GATAD2B: variants seen among roughly 807,000 people sequenced by gnomAD.
The protein encoded by GATAD2B is transcriptional repressor p66-beta.
In GATAD2B, 8 loss-of-function variants were observed where a neutral mutation model predicts 64.3. The ratio of observed to expected loss-of-function variants is 0.12; its 90% CI spans 0.07 to 0.22. The LOEUF (loss-of-function observed/expected upper bound fraction) is 0.22. Ranked by LOEUF, GATAD2B falls within the 10% of genes least tolerant of loss-of-function variation. The pLI, the probability that GATAD2B is intolerant of heterozygous loss-of-function variation, is 1.00. For synonymous variants in GATAD2B, 281 were observed against 271.3 expected, an observed-to-expected ratio of 1.04 and a Z score of -0.35; for missense variants, 453 against 752.0, an observed-to-expected ratio of 0.60 and a Z score of 4.65.
At chr1:153,902,983 C>T (rs1336412696) in intron 1 of GATAD2B, among the ~76,000 whole-genome samples, 5 of 151,994 alleles carry the variant, frequency 3.3e-5, no homozygotes, top group South Asian at 2.1e-4. Context: ...TTGGGGAGGC[C>T]GAGGCAGAGG....
intron 2 of GATAD2B, among the ~76,000 whole-genome samples, chr1:153,824,744 A>G (rs1012195263): frequency 1.3e-5 from 2 of 151,764 alleles, no homozygotes; most frequent in African/African-American, 4.8e-5. Flanking sequence ...CTACAGGAGC[A>G]GGACTGAAAA....
At chr1:153,918,242 A>C (rs1216546572) in intron 1 of GATAD2B, among the ~76,000 whole-genome samples, 1 of 152,218 alleles carries the variant, frequency 6.6e-6, no homozygotes, top group East Asian at 1.9e-4. Context: ...AGAATTCAAA[A>C]ATTAGTAGCA....
At chr1:153,905,641 C>T (rs1450599302) in intron 1 of GATAD2B, among the ~76,000 whole-genome samples, 5 of 147,536 alleles carry the variant, frequency 3.4e-5, no homozygotes, top group African/African-American at 1.0e-4. Flanking sequence ...GTAATCAAAA[C>T]AGTGTGGTAG....
At chr1:153,825,264 T>G (rs139315404) in intron 2 of GATAD2B, among the ~76,000 whole-genome samples, 9 of 152,328 alleles carry the variant, frequency 5.9e-5, no homozygotes, top group African/African-American at 2.2e-4. Flanking sequence ...GTTCATGATC[T>G]CATTCACCCA....
chr1:153,815,413 A>G (rs933876120), intron 7 of GATAD2B, among the ~76,000 whole-genome samples: 11 of 151,898 alleles, frequency 7.2e-5, no homozygotes, highest in Non-Finnish European at 1.6e-4. Context: ...ACAGGTTCTC[A>G]GAGACTATGA....
At chr1:153,853,227 T>C in intron 1 of GATAD2B, 1 of 1,108,932 alleles carries the variant, frequency 9.0e-7, no homozygotes, top group East Asian at 2.4e-5. Flanking sequence ...AGCACACTGG[T>C]CATGGCCACC....
intron 2 of GATAD2B, among the ~76,000 whole-genome samples, chr1:153,826,959 A>C (rs1189923934): frequency 1.3e-5 from 2 of 151,218 alleles, no homozygotes; most frequent in African/African-American, 4.9e-5. Context: ...AAAAAAAAAA[A>C]AAACTGGCTG....
chr1:153,815,390 C>T (rs973141051), intron 7 of GATAD2B, among the ~76,000 whole-genome samples: 1 of 151,532 alleles, frequency 6.6e-6, no homozygotes, highest in Admixed American at 6.6e-5. Flanking sequence ...ACAGTCAGTC[C>T]TCAATGTTGT....
chr1:153,911,658 C>G (rs1310912506), intron 1 of GATAD2B, among the ~76,000 whole-genome samples: 1 of 152,076 alleles, frequency 6.6e-6, no homozygotes, highest in Non-Finnish European at 1.5e-5. Context: ...TTCACTTGAA[C>G]TCGGGAGGCG....
rs58874063 is a variant in GATAD2B, at chr1:153,815,081, C to CAA, written c.1216+1190_1216+1191dup. ...TGGGTGACAGAGTAAGACTCTGTCT[C>CAA]AAAAAAAAAAAAAAAAAAAAAAAAA... On this transcript the variant is annotated intron_variant, in intron 7 of 10. Transcript: ENST00000368655. Among the ~76,000 whole-genome samples, 180 of 25,364 alleles carry CAA rather than the reference C, an allele frequency of 7.1e-3. 16 individuals carry two copies. Among genetic ancestry groups the CAA allele is most frequent in the African/African-American group, 0.014 (77 of 5,346 alleles). 16.6% of individuals were successfully genotyped at this position (25,364 alleles called of 152,430 possible). A position where few individuals can be genotyped will look rare whatever the true frequency, so the allele number is the denominator to read the frequency against.
chr1:153,846,709 C>T (rs925809885), intron 1 of GATAD2B, among the ~76,000 whole-genome samples: 12 of 151,516 alleles, frequency 7.9e-5, no homozygotes, highest in African/African-American at 1.7e-4. Context: ...TACAGGCATC[C>T]GCCACCACTC....
chr1:153,879,706 C>T (rs954560804), intron 1 of GATAD2B, among the ~76,000 whole-genome samples: 40 of 144,698 alleles, frequency 2.8e-4, no homozygotes, highest in African/African-American at 1.0e-3. Flanking sequence ...GAGGTTGCAG[C>T]GAGCCAACAA....
In GATAD2B at chr1:153,853,301, C is replaced by G. The variant is rs912855941; in HGVS notation, c.-1-24953G>C. The G allele has an allele frequency of 1.2e-5, 10 of 841,568 alleles. No homozygotes were observed. In the African/African-American group the frequency reaches 1.7e-4, roughly 14 times the overall value. 52.1% of individuals were successfully genotyped at this position (841,568 alleles called of 1,614,324 possible). A position where few individuals can be genotyped will look rare whatever the true frequency, so the allele number is the denominator to read the frequency against. On this transcript the variant is annotated intron_variant, in intron 1 of 10. Coordinates refer to ENST00000368655, the MANE Select transcript of GATAD2B (RefSeq NM_020699.4). ...CACAGACTTCAAGTAGGACACTGGT[C>G]CTTTGTACTGACATGGGCTGAGGAC...
At chr1:153,815,760 C>T (rs1570926796) in intron 7 of GATAD2B, among the ~76,000 whole-genome samples, 2 of 152,054 alleles carry the variant, frequency 1.3e-5, no homozygotes, top group South Asian at 4.1e-4. Context: ...GCAGGCTGGC[C>T]CCGGCCGGCT....
At chr1:153,853,147 T>C (rs1471191129) in intron 1 of GATAD2B, 5 of 1,426,072 alleles carry the variant, frequency 3.5e-6, no homozygotes, top group African/African-American at 2.8e-5. Flanking sequence ...TCCTCAATCC[T>C]GTCTAGCCCC....
intron 1 of GATAD2B, among the ~76,000 whole-genome samples, chr1:153,833,707 G>C (rs1230568090): frequency 6.6e-6 from 1 of 150,632 alleles, no homozygotes; most frequent in Admixed American, 6.6e-5. Context: ...CTACATGGGA[G>C]GGTGAGGCAG....
At chr1:153,859,391 G>A (rs924317613) in intron 1 of GATAD2B, among the ~76,000 whole-genome samples, 4 of 146,792 alleles carry the variant, frequency 2.7e-5, no homozygotes, top group Admixed American at 6.9e-5. Context: ...CATGCAAGGC[G>A]AGGCGAGGCG....
intron 2 of GATAD2B, among the ~76,000 whole-genome samples, chr1:153,820,449 C>T (rs1011741209): frequency 6.6e-6 from 1 of 152,206 alleles, no homozygotes; most frequent in African/African-American, 2.4e-5. Context: ...AAAAATGGCA[C>T]ATACTGCTTA....
At chr1:153,822,793 A>G (rs1674729704) in intron 2 of GATAD2B, among the ~76,000 whole-genome samples, 1 of 151,794 alleles carries the variant, frequency 6.6e-6, no homozygotes, top group Admixed American at 6.6e-5. Flanking sequence ...CACCGCGTCC[A>G]GCCTCTTTTC....
Sources: gnomAD v4.1 joint callset for allele counts (sites outside exome capture counted in the v4.1 genomes callset) on GRCh38, gnomAD v4.1.1 for gene constraint, MANE v1.5 for transcripts, NCBI Gene and HGNC (gene_info 2026-07-23, HGNC 2026-07-21) for gene names.